ARHGAP32: variants seen among roughly 807,000 people sequenced by gnomAD.
The protein encoded by ARHGAP32 is Rho GTPase activating protein 32, also known as rho GTPase-activating protein 32.
In ARHGAP32, 51 loss-of-function variants were observed where a neutral mutation model predicts 186.5. The ratio of observed to expected loss-of-function variants is 0.27; its 90% confidence interval spans 0.22 to 0.35. ARHGAP32 has a LOEUF of 0.35. ARHGAP32 is among the 10% of genes least tolerant of loss of function. The probability of loss-of-function intolerance (pLI) is 1.00; values close to 1 mark genes in which losing one functional copy is unlikely to be tolerated. For missense variants in ARHGAP32, 2,186 were observed against 2,623.5 expected, an observed-to-expected ratio of 0.83 and a Z score of 3.64; for synonymous variants, 950 against 964.3, an observed-to-expected ratio of 0.99 and a Z score of 0.27.
intron 1 of ARHGAP32, among the ~76,000 whole-genome samples, chr11:129,227,852 A>G (rs1279209396): frequency 6.6e-6 from 1 of 152,156 alleles, no homozygotes; most frequent in East Asian, 1.9e-4. Flanking sequence ...AACAAGGAAT[A>G]GAGACCTGAA....
intron 11 of ARHGAP32, among the ~76,000 whole-genome samples, chr11:129,000,515 T>C (rs1313150669): frequency 6.6e-6 from 1 of 152,176 alleles, no homozygotes; most frequent in African/African-American, 2.4e-5. Context: ...AGTAGGTATA[T>C]ATATTTATGG....
intron 1 of ARHGAP32, among the ~76,000 whole-genome samples, chr11:129,177,184 T>C (rs536532761): frequency 2.7e-3 from 404 of 152,170 alleles, no homozygotes; most frequent in African/African-American, 9.2e-3. Flanking sequence ...CTAGAAAATA[T>C]AGAAGAAATG....
At chr11:129,118,994 C>A (rs1942448792) in intron 5 of ARHGAP32, among the ~76,000 whole-genome samples, 1 of 151,988 alleles carries the variant, frequency 6.6e-6, no homozygotes, top group Admixed American at 6.6e-5. Context: ...CTAATTTTTA[C>A]AGATATTAAT....
At chr11:129,029,052 G>T (rs1417826700) in intron 11 of ARHGAP32, among the ~76,000 whole-genome samples, 1 of 152,130 alleles carries the variant, frequency 6.6e-6, no homozygotes, top group Non-Finnish European at 1.5e-5. Context: ...AAAATTAAAA[G>T]ATTTTTTTAA....
intron 1 of ARHGAP32, among the ~76,000 whole-genome samples, chr11:129,248,597 G>A (rs1482289851): frequency 6.6e-6 from 1 of 152,010 alleles, no homozygotes; most frequent in East Asian, 1.9e-4. Context: ...CTTTTGTTGT[G>A]GTATTGTTTT....
chr11:129,095,078 A>T (rs1941693895), intron 5 of ARHGAP32, among the ~76,000 whole-genome samples: 1 of 152,218 alleles, frequency 6.6e-6, no homozygotes, highest in Non-Finnish European at 1.5e-5. Flanking sequence ...GATATTAAGT[A>T]CAAGTTGTTC....
intron 5 of ARHGAP32, among the ~76,000 whole-genome samples, chr11:129,117,055 ATG>A (rs1942386963): frequency 6.6e-6 from 1 of 152,024 alleles, no homozygotes; most frequent in Non-Finnish European, 1.5e-5. Context: ...CTGCAGTATT[ATG>A]TATCATACTT....
At chr11:129,014,773 A>G (rs1250002145) in intron 11 of ARHGAP32, among the ~76,000 whole-genome samples, 1 of 152,166 alleles carries the variant, frequency 6.6e-6, no homozygotes, top group Non-Finnish European at 1.5e-5. Flanking sequence ...CAAAGTTCCC[A>G]AACAGATTAG....
intron 11 of ARHGAP32, among the ~76,000 whole-genome samples, chr11:129,027,877 T>TG (rs1555075212): frequency 1.3e-5 from 2 of 152,242 alleles, no homozygotes; most frequent in African/African-American, 4.8e-5. Context: ...GTGTGTTCAC[T>TG]GTTTTAGCCA....
At position 129,039,898 on chromosome 11, in the gene ARHGAP32, T is replaced by A. The variant is rs983212585; in HGVS notation, c.1045+1030A>T. Among the ~76,000 whole-genome samples the A allele has an allele frequency of 2.0e-5, 3 of 152,166 alleles. No homozygotes were observed. In the East Asian group the frequency reaches 5.8e-4, roughly 29 times the overall value. ...CTGAGAATCCTGACTCAAGTAGAACTGCAGAAAACACTGTTTTGAAGCATT... is the reference window on the plus strand; with the variant it reads ...CTGAGAATCCTGACTCAAGTAGAACAGCAGAAAACACTGTTTTGAAGCATT... On this transcript the variant is annotated intron_variant, in intron 11 of 22. Transcript: ENST00000682385.
chr11:128,983,606 C>T (rs1478989578), intron 15 of ARHGAP32, among the ~76,000 whole-genome samples: 1 of 151,328 alleles, frequency 6.6e-6, no homozygotes, highest in Non-Finnish European at 1.5e-5. Flanking sequence ...AACAAACCTG[C>T]ATATTGTGCA....
chr11:129,030,489 T>C (rs1339652273), intron 11 of ARHGAP32: 3 of 152,188 alleles, frequency 2.0e-5, no homozygotes, highest in Admixed American at 6.5e-5. Flanking sequence ...GTTATCTCAA[T>C]AGATTGTACC....
Position 129,041,232 on chromosome 11 carries a change from TCTG to T in ARHGAP32, c.964-226_964-224del, listed in dbSNP as rs1939579211. 2.6e-5 allele frequency among the ~76,000 whole-genome samples: 4 copies of T among 152,222 alleles called. No individual in the cohort carries two copies. The South Asian group carries it at 8.3e-4, about 32-fold the overall frequency. On this transcript the variant is annotated intron_variant, in intron 10 of 22. Transcript: ENST00000682385. Reference sequence around the variant, plus strand: ...TGTTTTATTTGTCCAAATATCTAAGTCTGCTTTTTTCCTTTTAGTTTTTAATTT... The same window carrying T: ...TGTTTTATTTGTCCAAATATCTAAGTCTTTTTTCCTTTTAGTTTTTAATTT...
At chr11:128,994,165 T>A (rs1208178175) in intron 12 of ARHGAP32, among the ~76,000 whole-genome samples, 4 of 152,108 alleles carry the variant, frequency 2.6e-5, no homozygotes, top group Non-Finnish European at 4.4e-5. Flanking sequence ...TTTTTTCTTT[T>A]TTTTTTGAGA....
At chr11:128,985,580 C>T (rs543959959) in intron 15 of ARHGAP32, among the ~76,000 whole-genome samples, 1 of 152,048 alleles carries the variant, frequency 6.6e-6, no homozygotes, top group African/African-American at 2.4e-5. Context: ...CAAACTAACA[C>T]ACAAATCAAA....
At chr11:129,253,950 G>A (rs973618212) in intron 1 of ARHGAP32, among the ~76,000 whole-genome samples, 1 of 152,090 alleles carries the variant, frequency 6.6e-6, no homozygotes, top group African/African-American at 2.4e-5. Context: ...AGTCGGGTTG[G>A]TTAGTTATTC....
intron 12 of ARHGAP32, among the ~76,000 whole-genome samples, chr11:128,997,185 T>G (rs1946223448): frequency 6.6e-6 from 1 of 152,230 alleles, no homozygotes; most frequent in African/African-American, 2.4e-5. Flanking sequence ...TGGTTGAGTT[T>G]TCCATGTGCA....
Position 128,973,073 on chromosome 11 carries a change from T to A in ARHGAP32, c.3433A>T (p.Thr1145Ser). The A allele has an allele frequency of 6.2e-7, 1 of 1,614,088 alleles. No homozygotes were observed. Among genetic ancestry groups the A allele is most frequent in the South Asian group, 1.1e-5 (1 of 91,078 alleles). ...LPETTATGDPTHSNTTESGEQ... is the reference protein window; with the variant it reads ...LPETTATGDPSHSNTTESGEQ... ...CCAGATTCAGTTGTGTTGGAATGGG[T>A]AGGATCCCCAGTAGCTGTTGTCTCT... The change falls in exon 22 of 23, where the codon ACC (threonine) becomes TCC (serine). Residue 1145 changes from threonine to serine, a missense_variant. By Grantham distance (58) the Thr-to-Ser change is moderately conservative. Around this residue, in one of 5 missense-constraint regions of ARHGAP32, gnomAD observed 1,502 missense variants for 1,570.0 expected, o/e 0.96. Transcript: ENST00000682385.
rs1033008241 is a variant in ARHGAP32 at position 128,970,369 on chromosome 11, C to T, written c.4844G>A (p.Arg1615Gln). 6.2e-6 allele frequency: 10 copies of T among 1,614,036 alleles called. No individual in the cohort carries two copies. The highest frequency in any genetic ancestry group is 2.2e-5 in the East Asian group (1 of 44,874). The change falls in exon 23 of 23, where the codon CGG becomes CAG. Residue 1615 changes from arginine to glutamine, a missense_variant. Arg to Gln is a conservative substitution (Grantham distance 43). Around this residue, in one of 5 missense-constraint regions of ARHGAP32, gnomAD observed 1,502 missense variants for 1,570.0 expected, o/e 0.96. Transcript: ENST00000682385. The surrounding 1 kb of genome is among the most constrained non-coding windows in gnomAD (Gnocchi z 5.8). ...SSMIRSVPIS[R>Q]TEVPPDDEPA... ...CTCATCATCTGGGGGAACTTCTGTCCGTGAAATGGGAACAGAGCGAATCAT... is the reference window on the plus strand; with the variant it reads ...CTCATCATCTGGGGGAACTTCTGTCTGTGAAATGGGAACAGAGCGAATCAT...
Sources: allele counts gnomAD v4.1 joint callset (sites outside exome capture counted in the v4.1 genomes callset), GRCh38; gene constraint gnomAD v4.1.1; regional missense constraint gnomAD v4.1.1; non-coding constraint Gnocchi (gnomAD v3.1); transcripts MANE v1.5; gene names NCBI Gene and HGNC (gene_info 2026-07-23, HGNC 2026-07-21).